RBFOX1: variants seen among roughly 807,000 people sequenced by gnomAD.
RBFOX1 encodes the protein RNA binding protein fox-1 homolog 1.
RBFOX1 carries 8 observed loss-of-function variants against 57.7 expected under a neutral mutation model. The ratio of observed to expected loss-of-function variants is 0.14; its 90% CI spans 0.08 to 0.25. The LOEUF (loss-of-function observed/expected upper bound fraction) is 0.25. Among genes scored for constraint, RBFOX1 ranks in the 10% least tolerant of loss-of-function variants. The probability of loss-of-function intolerance (pLI) is 1.00; values close to 1 mark genes in which losing one functional copy is unlikely to be tolerated. For synonymous variants in RBFOX1, 326 were observed against 222.4 expected (o/e 1.47, Z -4.15); for missense variants, 611 against 548.5 (o/e 1.11, Z -1.14).
At chr16:5,759,186 G>A (rs1323241495) in intron 3 of RBFOX1, among the ~76,000 whole-genome samples, 3 of 152,116 alleles carry the variant, frequency 2.0e-5, no homozygotes, top group Admixed American at 6.5e-5. Flanking sequence ...TCCTATCCAC[G>A]AAGGCAAGGT....
rs558766754 is a variant in RBFOX1, at chr16:7,388,791, G to C, written c.28-129356G>C. 3.3e-5 allele frequency among the ~76,000 whole-genome samples: 5 copies of C among 151,838 alleles called. No individual in the cohort carries two copies. In the East Asian group the frequency reaches 9.7e-4, roughly 30 times the overall value. ...TTGTGTTAGATGAGTTTGTCCAAAT[G>C]TAGGCTAATATAAGTGTTTTGAGCT... is the stretch of plus-strand genomic sequence containing the variant. On this transcript the variant is annotated intron_variant, in intron 4 of 15. Coordinates refer to ENST00000550418, the MANE Select transcript of RBFOX1 (RefSeq NM_018723.4).
At chr16:7,210,654 G>C (rs1431754431) in intron 4 of RBFOX1, among the ~76,000 whole-genome samples, 1 of 152,100 alleles carries the variant, frequency 6.6e-6, no homozygotes, top group South Asian at 2.1e-4. Context: ...GCTCTTAGTA[G>C]GTGTCAGGCA....
At chr16:6,055,475 C>A (rs781683011) in intron 1 of RBFOX1, among the ~76,000 whole-genome samples, 5 of 151,506 alleles carry the variant, frequency 3.3e-5, no homozygotes, top group African/African-American at 7.3e-5. Flanking sequence ...TGCCTTTAAT[C>A]CCAGCTATTC....
chr16:7,160,455 C>T (rs1024811704), intron 4 of RBFOX1, among the ~76,000 whole-genome samples: 2 of 152,028 alleles, frequency 1.3e-5, no homozygotes, highest in Non-Finnish European at 2.9e-5. Flanking sequence ...AAATAATGTA[C>T]ATTAAATGTG....
chr16:7,078,223 A>C (rs1456698085), intron 4 of RBFOX1, among the ~76,000 whole-genome samples: 1 of 152,216 alleles, frequency 6.6e-6, no homozygotes, highest in Non-Finnish European at 1.5e-5. Context: ...AAACCAGCTG[A>C]TGTCCACTAT....
At position 7,254,343 on chromosome 16, in the gene RBFOX1, C is replaced by G. The variant is rs370663559; in HGVS notation, c.27+202245C>G. ...TACTAATTCAGCAGGAAGACCAACCCTGGGCTCCTTAGGTTAATCGGGTTT... is the reference window on the plus strand; with the variant it reads ...TACTAATTCAGCAGGAAGACCAACCGTGGGCTCCTTAGGTTAATCGGGTTT... On this transcript the variant is annotated intron_variant, in intron 4 of 15. Transcript: ENST00000550418. Among the ~76,000 whole-genome samples the G allele has an allele frequency of 2.6e-4, 39 of 152,252 alleles. 1 individual carries two copies. In the South Asian group the frequency reaches 7.7e-3, roughly 30 times the overall value.
intron 3 of RBFOX1, among the ~76,000 whole-genome samples, chr16:6,829,500 A>C (rs1437806403): frequency 3.3e-5 from 5 of 151,952 alleles, no homozygotes; most frequent in African/African-American, 7.3e-5. Context: ...AAAAAACAAA[A>C]AAACGTTAAC....
At chr16:6,855,390 G>A (rs1177087087) in intron 3 of RBFOX1, among the ~76,000 whole-genome samples, 1 of 152,036 alleles carries the variant, frequency 6.6e-6, no homozygotes, top group Non-Finnish European at 1.5e-5. Context: ...AGTGGCTCAC[G>A]CCTGTAATCC....
At chr16:6,655,572 A>G (rs1021194605) in intron 3 of RBFOX1, among the ~76,000 whole-genome samples, 7 of 151,902 alleles carry the variant, frequency 4.6e-5, no homozygotes, top group African/African-American at 1.7e-4. Flanking sequence ...AGGAAAAGCA[A>G]CCGTTAGACA....
intron 4 of RBFOX1, among the ~76,000 whole-genome samples, chr16:7,371,070 C>T (rs191279495): frequency 6.5e-4 from 99 of 152,242 alleles, no homozygotes; most frequent in African/African-American, 2.2e-3. Context: ...CTCTAAGCAC[C>T]TTTAGTTTTA....
chr16:6,496,870 G>T (rs1389351578), intron 2 of RBFOX1, among the ~76,000 whole-genome samples: 1 of 152,182 alleles, frequency 6.6e-6, no homozygotes, highest in African/African-American at 2.4e-5. Context: ...TGAGGCAGGA[G>T]AGTCGCTTGA....
chr16:6,724,162 C>A (rs550957299), intron 3 of RBFOX1, among the ~76,000 whole-genome samples: 4 of 151,694 alleles, frequency 2.6e-5, no homozygotes, highest in East Asian at 1.9e-4. Context: ...TTACAGACCT[C>A]CTTGCCTTGT....
At chr16:7,429,761 T>G (rs1215016845) in intron 4 of RBFOX1, among the ~76,000 whole-genome samples, 1 of 152,228 alleles carries the variant, frequency 6.6e-6, no homozygotes, top group Admixed American at 6.5e-5. Context: ...ATCACTCAGA[T>G]ATTTCTTTCT....
intron 4 of RBFOX1, among the ~76,000 whole-genome samples, chr16:7,341,686 T>G (rs867230949): frequency 1.3e-5 from 2 of 151,060 alleles, no homozygotes; most frequent in Non-Finnish European, 1.5e-5. Flanking sequence ...CAGAGAACAA[T>G]GGTCCTACCT....
At chr16:5,932,846 C>T (rs190328143) in intron 4 of RBFOX1, among the ~76,000 whole-genome samples, 1 of 152,124 alleles carries the variant, frequency 6.6e-6, no homozygotes, top group African/African-American at 2.4e-5. Context: ...GTGCCTCACA[C>T]CCGCCACTCC....
At chr16:6,283,706 C>G (rs2076623651) in intron 1 of RBFOX1, among the ~76,000 whole-genome samples, 1 of 152,150 alleles carries the variant, frequency 6.6e-6, no homozygotes, top group African/African-American at 2.4e-5. Context: ...AGAGATCCTT[C>G]CAGAAGGAAT....
chr16:7,085,590 T>C (rs916356974), intron 4 of RBFOX1, among the ~76,000 whole-genome samples: 4 of 152,208 alleles, frequency 2.6e-5, no homozygotes, highest in Admixed American at 6.5e-5. Flanking sequence ...AATGAACATA[T>C]GCCTGCAAAA....
intron 4 of RBFOX1, among the ~76,000 whole-genome samples, chr16:7,269,263 A>G (rs1332955503): frequency 6.6e-6 from 1 of 152,068 alleles, no homozygotes; most frequent in African/African-American, 2.4e-5. Flanking sequence ...AGACACATAC[A>G]CACACCTACA....
chr16:5,400,679 A>G (rs1324699289), intron 1 of RBFOX1, among the ~76,000 whole-genome samples: 1 of 150,758 alleles, frequency 6.6e-6, no homozygotes, highest in African/African-American at 2.4e-5. Context: ...TTTTTTTTCT[A>G]TTACAAATAA....
Sources: allele counts gnomAD v4.1 joint callset (sites outside exome capture counted in the v4.1 genomes callset), GRCh38; gene constraint gnomAD v4.1.1; transcripts MANE v1.5; gene names NCBI Gene and HGNC (gene_info 2026-07-23, HGNC 2026-07-21).